MADD: variants seen among roughly 807,000 people sequenced by gnomAD.
The protein encoded by MADD is MAP kinase-activating death domain protein.
Under a neutral mutation model 176.7 loss-of-function variants are expected in MADD, and 109 were observed. The observed-to-expected ratio is 0.62, with a 90% CI of 0.53 to 0.72. MADD has a LOEUF of 0.72. MADD is among the 30% of genes least tolerant of loss of function. MADD has a pLI of 0.00. For missense variants in MADD, 1,914 were observed against 2,045.5 expected (o/e 0.94, Z 1.24); for synonymous variants, 771 against 771.3 (o/e 1.00, Z 0.01).
At chr11:47,286,501 C>G in exon 15 of MADD, 1 of 1,614,060 alleles carries the variant, frequency 6.2e-7, no homozygotes, top group South Asian at 1.1e-5. Flanking sequence ...CAAAGGTGCC[C>G]GAGAGAAGGC....
intron 19 of MADD, 63 bp downstream of exon 21, chr11:47,292,659 G>C: frequency 6.5e-7 from 1 of 1,535,872 alleles, no homozygotes; most frequent in Non-Finnish European, 9.0e-7. Context: ...CCCAGGCCCA[G>C]TTGGGGCAGG....
intron 22 of MADD, among the ~76,000 whole-genome samples, chr11:47,300,206 C>CTTTTT (rs777080143): frequency 7.7e-6 from 1 of 130,378 alleles, no homozygotes; most frequent in Non-Finnish European, 1.7e-5. Flanking sequence ...TTTTTTCTTT[C>CTTTTT]TTTTTTTTTT....
chr11:47,287,051 C>T (rs190776451), intron 15 of MADD, among the ~76,000 whole-genome samples: 10 of 152,314 alleles, frequency 6.6e-5, no homozygotes, highest in Admixed American at 3.3e-4. Flanking sequence ...GAAAGCCAGG[C>T]GCGGTGGCTC....
rs1178882331 is a variant in MADD, at chr11:47,325,006, C to T, written c.4542+429C>T. 9.8e-6 allele frequency: 5 copies of T among 510,660 alleles called. No individual in the cohort carries two copies. The highest frequency in any genetic ancestry group is 6.7e-5 in the Admixed American group (2 of 29,666). The allele number at this position is 510,660 out of a possible 1,614,324, so 31.6% of individuals were successfully genotyped here. ...CTGGTGTGCGTGCAGCTTGCGTGTG[C>T]GTGCGTGCGTGCCTGCGTGCTTGTG... On this transcript the variant is annotated intron_variant, in intron 30 of 32. Transcript: ENST00000402192. The surrounding 1 kb of genome is among the most constrained non-coding windows in gnomAD (Gnocchi z 4.5).
rs550795242 is a variant in MADD at position 47,292,481 on chromosome 11, G to A, written c.3302-1402G>A. ...ACTTGGGTGGGTGGGTTTCCATTTC[G>A]TCTGTCTGACCAGCCTCTGACTTTC... On this transcript the variant is annotated intron_variant, in intron 19 of 32. Transcript: ENST00000402192. The A allele has an allele frequency of 1.9e-5, 28 of 1,512,858 alleles. No individual in the cohort carries two copies. In the African/African-American group the frequency reaches 2.1e-4, roughly 11 times the overall value. 93.7% of individuals were successfully genotyped at this position (1,512,858 alleles called of 1,614,324 possible).
intron 22 of MADD, among the ~76,000 whole-genome samples, chr11:47,307,096 T>C (rs552032186): frequency 3.5e-5 from 5 of 143,056 alleles, no homozygotes; most frequent in Non-Finnish European, 3.0e-5. Context: ...TTTTTTTTGG[T>C]AGAAACAGGT....
intron 25 of MADD, among the ~76,000 whole-genome samples, chr11:47,310,570 AT>A (rs2087738455): frequency 6.6e-6 from 1 of 152,110 alleles, no homozygotes; most frequent in Non-Finnish European, 1.5e-5. Flanking sequence ...AATACAATGA[AT>A]TAATTTTTTT....
At chr11:47,299,585 CTTTTTTTTTTTT>C (rs1185948034) in intron 22 of MADD, among the ~76,000 whole-genome samples, 2 of 41,518 alleles carry the variant, frequency 4.8e-5, no homozygotes, top group South Asian at 1.0e-3. Flanking sequence ...GATTTTAGGG[CTTTTTTTTTTTT>C]TTTTTTTTTT....
At chr11:47,280,020 A>G (rs1039562740) in intron 7 of MADD, among the ~76,000 whole-genome samples, 2 of 152,192 alleles carry the variant, frequency 1.3e-5, no homozygotes, top group Admixed American at 6.5e-5. Flanking sequence ...CAGTGAGCCA[A>G]GATTGCGCCA....
intron 22 of MADD, among the ~76,000 whole-genome samples, chr11:47,301,567 G>C (rs769460388): frequency 3.9e-5 from 6 of 152,060 alleles, no homozygotes; most frequent in Admixed American, 2.0e-4. Flanking sequence ...GACGTTTATT[G>C]CTATAAGCTT....
At chr11:47,298,333 G>A (rs565101625) in intron 22 of MADD, among the ~76,000 whole-genome samples, 11 of 152,328 alleles carry the variant, frequency 7.2e-5, no homozygotes, top group Middle Eastern at 3.4e-3. Context: ...GTGCTTGCTT[G>A]TACTCTTCAG....
exon 13 of MADD, chr11:47,285,127 G>C: frequency 6.2e-7 from 1 of 1,614,094 alleles, no homozygotes; most frequent in Admixed American, 1.7e-5. Flanking sequence ...CTTTCCCCCT[G>C]AGGAAGATGA....
At chr11:47,300,230 G>A (rs1340362087) in intron 22 of MADD, among the ~76,000 whole-genome samples, 4 of 142,552 alleles carry the variant, frequency 2.8e-5, no homozygotes, top group East Asian at 2.0e-4. Flanking sequence ...TTTTTAAGAC[G>A]GAGTCTTGCT....
chr11:47,323,659 G>T lies in MADD; in HGVS notation c.4198-12G>T, dbSNP rs2142079471. The T allele has an allele frequency of 1.2e-6, 2 of 1,611,144 alleles. No individual in the cohort carries two copies. The highest frequency in any genetic ancestry group is 4.5e-5 in the East Asian group (2 of 44,834). ...GACAGGAACCACTGAGCCGCTTTGT[G>T]CACTTCTCCAGGTGTGCGATGACTG... On this transcript the variant is annotated splice_polypyrimidine_tract_variant and intron_variant, in intron 27 of 32. Coordinates refer to ENST00000402192, the Ensembl canonical transcript of MADD.
At chr11:47,316,457 C>G (rs1388950392) in intron 27 of MADD, among the ~76,000 whole-genome samples, 1 of 142,650 alleles carries the variant, frequency 7.0e-6, no homozygotes, top group African/African-American at 2.6e-5. Flanking sequence ...GGCTTGATCT[C>G]AGCTCACTGC....
At chr11:47,285,033 C>G (rs993113898) in exon 13 of MADD, 4 of 1,614,122 alleles carry the variant, frequency 2.5e-6, no homozygotes, top group Non-Finnish European at 3.4e-6. Context: ...GCAAATCGAA[C>G]GTGGACAGAC....
intron 5 of MADD, among the ~76,000 whole-genome samples, chr11:47,277,257 G>A (rs1367964450): frequency 7.9e-6 from 1 of 126,330 alleles, no homozygotes. Flanking sequence ...TTATGAATTA[G>A]ACACAGTAAG....
At chr11:47,293,823 C>G (rs534353285) in intron 19 of MADD, 60 bp from the exon 22 acceptor site, 3 of 1,115,122 alleles carry the variant, frequency 2.7e-6, no homozygotes, top group Non-Finnish European at 1.4e-6. Flanking sequence ...CGTCCCACCC[C>G]CTTTACCAGC....
At position 47,325,218 on chromosome 11, in the gene MADD, A is replaced by G. The variant is rs1369963510; in HGVS notation, c.4542+641A>G. 1 of 158,636 alleles carries G rather than the reference A, an allele frequency of 6.3e-6. No individual in the cohort carries two copies. Among genetic ancestry groups the G allele is most frequent in the Non-Finnish European group, 1.4e-5 (1 of 73,080 alleles). 9.8% of individuals were successfully genotyped at this position (158,636 alleles called of 1,614,324 possible). The stretch of plus-strand genomic sequence containing the variant: ...ATCTTTCCCTCATTGTAATTCCACC[A>G]TAGGAGCTGACTTTTTTTTTTCTCT... On this transcript the variant is annotated intron_variant, in intron 30 of 32. Transcript: ENST00000402192. This position sits in a 1 kb window ranked among gnomAD's most constrained non-coding sequence, Gnocchi z 4.5.
Sources: gnomAD v4.1 joint callset for allele counts (sites outside exome capture counted in the v4.1 genomes callset) on GRCh38, gnomAD v4.1.1 for gene constraint, Gnocchi (gnomAD v3.1) non-coding constraint, MANE v1.5 for transcripts, NCBI Gene and HGNC (gene_info 2026-07-23, HGNC 2026-07-21) for gene names.